Variants in PLK5 observed in about 807,000 individuals in gnomAD.
The protein encoded by PLK5 is polo like kinase 5 (inactive), also known as inactive serine/threonine-protein kinase PLK5.
In PLK5, 28 loss-of-function variants were observed where a neutral mutation model predicts 33.7. That is an observed-to-expected ratio of 0.83 (90% CI 0.62 to 1.14). PLK5 has a LOEUF of 1.14. Among genes scored for constraint, PLK5 ranks in the 50% most tolerant of loss-of-function variants. The pLI is 0.00. For synonymous variants in PLK5, 225 were observed against 202.2 expected, an observed-to-expected ratio of 1.11 and a Z score of -0.96; for missense variants, 492 against 461.5, an observed-to-expected ratio of 1.07 and a Z score of -0.61.
At chr19:1,530,530 C>T (rs1330603427) in intron 11 of PLK5, among the ~76,000 whole-genome samples, 6 of 151,552 alleles carry the variant, frequency 4.0e-5, no homozygotes, top group Non-Finnish European at 8.8e-5. Flanking sequence ...AACTCCTGAC[C>T]TCCGGTGATC....
intron 11 of PLK5, 105 bp from the exon 12 acceptor site, chr19:1,531,633 C>G (rs1476635705): frequency 1.5e-6 from 2 of 1,365,080 alleles, no homozygotes; most frequent in East Asian, 5.6e-5. Flanking sequence ...CGGTCCCCGC[C>G]GTGGGAAGGG....
At chr19:1,532,898 C>T (rs1035245551) in intron 12 of PLK5, among the ~76,000 whole-genome samples, 6 of 151,616 alleles carry the variant, frequency 4.0e-5, no homozygotes, top group African/African-American at 7.3e-5. Flanking sequence ...GATCTCCTGA[C>T]CTCGTGATCT....
chr19:1,527,102 C>T (rs1346532569), intron 6 of PLK5, 104 bp downstream of exon 6: 24 of 1,240,166 alleles, frequency 1.9e-5, no homozygotes, highest in East Asian at 5.3e-5. Flanking sequence ...CAGGGTGGGG[C>T]GCGTGGAACA....
At chr19:1,535,006 G>A (rs571759743) in intron 13 of PLK5, 59 bp from the exon 14 acceptor site, 13 of 1,400,570 alleles carry the variant, frequency 9.3e-6, no homozygotes, top group Admixed American at 2.7e-5. Context: ...GGAGCGCCAC[G>A]GCTGGAGGCA....
Position 1,529,777 on chromosome 19 carries a change from AGGC to A in PLK5, c.525_527del (p.Ala176del). ...GAGGGGAGCCGGCGGCCAGAGGTGGAGGCGGCCCTCAGACACCTGCAGCTGTGC... is the reference window on the plus strand; with the variant it reads ...GAGGGGAGCCGGCGGCCAGAGGTGGAGGCCCTCAGACACCTGCAGCTGTGC... On this transcript the variant is annotated inframe_deletion, in exon 11 of 14. Coordinates refer to ENST00000454744, the MANE Select transcript of PLK5 (RefSeq NM_001243079.2). 7 of 1,535,988 alleles carry A rather than the reference AGGC, an allele frequency of 4.6e-6. No individual in the cohort carries two copies. The highest frequency in any genetic ancestry group is 5.2e-6 in the Non-Finnish European group (6 of 1,146,850).
At chr19:1,531,398 A>G (rs1568254190) in intron 11 of PLK5, among the ~76,000 whole-genome samples, 4 of 144,924 alleles carry the variant, frequency 2.8e-5, no homozygotes, top group African/African-American at 1.0e-4. Flanking sequence ...ACAGAGCAAG[A>G]CTCTGTCTCA....
chr19:1,528,866 G>A (rs1351083962), intron 8 of PLK5, 32 bp from the exon 9 acceptor site: 6 of 1,471,080 alleles, frequency 4.1e-6, no homozygotes, highest in East Asian at 5.1e-5. Flanking sequence ...GGCCCAGGCT[G>A]TGCCCCCTCC....
chr19:1,529,450 C>T lies in PLK5; in HGVS notation c.450C>T (p.Ile150=). ...AGGTTCCCTGCCTGGAAGGCCCCATCCACCTGGTCGCACAAGGGACCCTGC... is the reference window on the plus strand; with the variant it reads ...AGGTTCCCTGCCTGGAAGGCCCCATTCACCTGGTCGCACAAGGGACCCTGC... ...AKEVPCLEGP[I]HLVAQGTLQS... is the part of the protein sequence containing the mutation. Residue 150 remains isoleucine, a synonymous_variant, in exon 10 of 14, where the codon ATC becomes ATT. Coordinates refer to ENST00000454744, the MANE Select transcript of PLK5 (RefSeq NM_001243079.2). The T allele has an allele frequency of 6.5e-7, 1 of 1,536,052 alleles. No homozygotes were observed. The highest frequency in any genetic ancestry group is 1.4e-5 in the African/African-American group (1 of 73,176).
At chr19:1,526,237 T>A (rs1265519608) in intron 3 of PLK5, among the ~76,000 whole-genome samples, 1 of 151,984 alleles carries the variant, frequency 6.6e-6, no homozygotes, top group Non-Finnish European at 1.5e-5. Context: ...ACCAGCGCCG[T>A]GTTCACCCTC....
rs1483218122 is a variant in PLK5, at chr19:1,524,132, C to A, written c.-658C>A. On this transcript the variant is annotated 5_prime_UTR_variant, in exon 1 of 14. Coordinates refer to ENST00000454744, the MANE Select transcript of PLK5 (RefSeq NM_001243079.2). This position sits in a 1 kb window ranked among gnomAD's most constrained non-coding sequence, Gnocchi z 4.5. ...GGTCTCGGCCCGGCTGCGCCAGAGT[C>A]CGCGCGATGGAGCCCCGGCCGCGGC... The A allele has an allele frequency of 2.0e-5, 3 of 150,914 alleles. No individual in the cohort carries two copies. The highest frequency in any genetic ancestry group is 4.4e-5 in the Non-Finnish European group (3 of 67,560). The allele number at this position is 150,914 out of a possible 1,614,324, so 9.3% of individuals were successfully genotyped here.
rs1040469319 is a variant in PLK5, at chr19:1,529,102, C to T, written c.405+128C>T. ...GGTCTCCAAGCCCGGCCCCCTCCCC[C>T]TAGTCCCGTCCTGACGCATCAGAGC... On this transcript the variant is annotated intron_variant, in intron 9 of 13. Transcript: ENST00000454744. The T allele has an allele frequency of 5.0e-6, 4 of 792,818 alleles. No homozygotes were observed. In the African/African-American group the frequency reaches 7.0e-5, roughly 14 times the overall value. The allele number at this position is 792,818 out of a possible 1,614,324, so 49.1% of individuals were successfully genotyped here. A position where few individuals can be genotyped will look rare whatever the true frequency, so the allele number is the denominator to read the frequency against.
chr19:1,531,966 C>G, intron 12 of PLK5, 83 bp downstream of exon 12: 1 of 1,385,262 alleles, frequency 7.2e-7, no homozygotes, highest in Non-Finnish European at 9.4e-7. Context: ...TTATTAAGCA[C>G]CTACTGTGCA....
chr19:1,534,513 A>G (rs1157581576), intron 13 of PLK5, among the ~76,000 whole-genome samples: 1 of 143,762 alleles, frequency 7.0e-6, no homozygotes, highest in African/African-American at 2.6e-5. Context: ...TCTCAAAAAA[A>G]AAAAAAAAAA....
In PLK5 at chr19:1,528,357, C is replaced by G. The variant is rs1303216510; in HGVS notation, c.257C>G (p.Ala86Gly). Reference sequence around the variant, plus strand: ...TCCTGCCACAGTCCCCCCATCTTCGCCATACCCCCGCCTCTGGGCAGGATC... The same window carrying G: ...TCCTGCCACAGTCCCCCCATCTTCGGCATACCCCCGCCTCTGGGCAGGATC... ...AHSCHSPPIFAIPPPLGRIFR... is the reference protein window; with the variant it reads ...AHSCHSPPIFGIPPPLGRIFR... Residue 86 changes from alanine (A) to glycine (G), a missense_variant, in exon 8 of 14, where the codon GCC becomes GGC. Transcript: ENST00000454744. The G allele has an allele frequency of 6.5e-7, 1 of 1,535,790 alleles. No homozygotes were observed. The highest frequency in any genetic ancestry group is 1.2e-5 in the South Asian group (1 of 84,066).
chr19:1,530,604 ATTTTTTTTTTTTTTT>A (rs759461067), intron 11 of PLK5, among the ~76,000 whole-genome samples: 37 of 36,556 alleles, frequency 1.0e-3, no homozygotes, highest in East Asian at 6.4e-3. Flanking sequence ...GCCTGGGCGC[ATTTTTTTTTTTTTTT>A]TTTTTTTTTT....
At chr19:1,534,154 G>GCA in intron 13 of PLK5, 113 bp downstream of exon 13, 1 of 462,070 alleles carries the variant, frequency 2.2e-6, no homozygotes. Context: ...TTGCCTCCCA[G>GCA]GAAAAAAAAA....
In PLK5 at chr19:1,528,121, ACTT is replaced by A. The variant is rs1192370947; in HGVS notation, c.193_195del (p.Phe65del). Reference sequence around the variant, plus strand: ...AGCCTGGACCACCTGCTGCAGGACGACTTCTTCACACAGGTGGGCGGCGGTCCT... The same window carrying A: ...AGCCTGGACCACCTGCTGCAGGACGACTTCACACAGGTGGGCGGCGGTCCT... On this transcript the variant is annotated inframe_deletion, in exon 7 of 14. Coordinates refer to ENST00000454744, the MANE Select transcript of PLK5 (RefSeq NM_001243079.2). 5.9e-6 allele frequency: 9 copies of A among 1,535,050 alleles called. No individual in the cohort carries two copies. Among genetic ancestry groups the A allele is most frequent in the Non-Finnish European group, 7.0e-6 (8 of 1,146,422 alleles).
Position 1,528,333 on chromosome 19 carries a change from C to T in PLK5, c.233C>T (p.Ser78Phe), listed in dbSNP as rs1412834355. The part of the protein sequence containing the change: ...GFTPDRLPAH[S>F]CHSPPIFAIP... ...ACTCCAGACCGGCTGCCGGCCCACT[C>T]CTGCCACAGTCCCCCCATCTTCGCC... The change falls in exon 8 of 14, where the codon TCC becomes TTC. Residue 78 changes from serine (S) to phenylalanine (F), a missense_variant. Transcript: ENST00000454744. 1 of 1,535,818 alleles carries T rather than the reference C, an allele frequency of 6.5e-7. No individual in the cohort carries two copies. The highest frequency in any genetic ancestry group is 1.4e-5 in the African/African-American group (1 of 73,124).
intron 12 of PLK5, 97 bp downstream of exon 12, chr19:1,531,980 C>G: frequency 7.7e-7 from 1 of 1,298,430 alleles, no homozygotes. Flanking sequence ...CTGTGCACAC[C>G]TACAGGTGCT....
Sources: allele counts gnomAD v4.1 joint callset (sites outside exome capture counted in the v4.1 genomes callset), GRCh38; gene constraint gnomAD v4.1.1; non-coding constraint Gnocchi (gnomAD v3.1); transcripts MANE v1.5; gene names NCBI Gene and HGNC (gene_info 2026-07-23, HGNC 2026-07-21).